ANXA4: variants seen among roughly 807,000 people sequenced by gnomAD.
ANXA4 encodes 35-beta calcimedin.
Under a neutral mutation model 49.8 loss-of-function variants are expected in ANXA4, and 39 were observed. The ratio of observed to expected loss-of-function variants is 0.78; its 90% confidence interval spans 0.61 to 1.02. The LOEUF (loss-of-function observed/expected upper bound fraction) is 1.02. Among genes scored for constraint, ANXA4 ranks in the 50% least tolerant of loss-of-function variants. The pLI is 0.00. For missense variants in ANXA4, 360 were observed against 410.1 expected (o/e 0.88, Z 1.05); for synonymous variants, 134 against 152.5 (o/e 0.88, Z 0.89).
intron 2 of ANXA4, among the ~76,000 whole-genome samples, chr2:69,659,227 A>C (rs1409649949): frequency 6.6e-6 from 1 of 152,234 alleles, no homozygotes; most frequent in Admixed American, 6.5e-5. Flanking sequence ...TAAATTAGAG[A>C]TAGCATCTAG....
chr2:69,691,130 T>C (rs560133656), intron 2 of ANXA4, among the ~76,000 whole-genome samples: 35 of 151,994 alleles, frequency 2.3e-4, no homozygotes, highest in African/African-American at 8.4e-4. Context: ...TCTTTTTTTT[T>C]TTTTCTTTTT....
At chr2:69,814,789 TGTGTGA>T (rs759502497) in intron 8 of ANXA4, 6,671 of 81,036 alleles carry the variant, frequency 0.082, 176 homozygotes, top group East Asian at 0.12. Context: ...TGTGTGTGTG[TGTGTGA>T]GAGAAAGAGA....
chr2:69,805,416 C>A (rs1673401971), intron 4 of ANXA4, among the ~76,000 whole-genome samples: 1 of 151,900 alleles, frequency 6.6e-6, no homozygotes, highest in South Asian at 2.1e-4. Context: ...CCAGCCTGAC[C>A]AACATGGTGA....
intron 2 of ANXA4, among the ~76,000 whole-genome samples, chr2:69,682,890 C>T (rs1190756726): frequency 8.5e-5 from 13 of 152,212 alleles, no homozygotes; most frequent in South Asian, 4.1e-4. Flanking sequence ...AGTCTTGAGA[C>T]GTCAGATGAT....
intron 1 of ANXA4, among the ~76,000 whole-genome samples, chr2:69,776,346 G>C (rs1482821739): frequency 6.6e-6 from 1 of 152,104 alleles, no homozygotes; most frequent in Admixed American, 6.5e-5. Context: ...AGGAATCAAA[G>C]TTTCTCATCC....
At chr2:69,740,235 T>C (rs1670349187), upstream of ANXA4, among the ~76,000 whole-genome samples, 1 of 152,128 alleles carries the variant, frequency 6.6e-6, no homozygotes, top group South Asian at 2.1e-4. Flanking sequence ...AGGGACAGGT[T>C]TTCGCCATGT....
At chr2:69,648,511 C>T (rs1676093131) in intron 1 of ANXA4, among the ~76,000 whole-genome samples, 1 of 152,130 alleles carries the variant, frequency 6.6e-6, no homozygotes, top group African/African-American at 2.4e-5. Flanking sequence ...CTTGTAAGAA[C>T]CATGTCCTTT....
intron 2 of ANXA4, among the ~76,000 whole-genome samples, chr2:69,705,901 C>A (rs1349972847): frequency 6.6e-6 from 1 of 152,182 alleles, no homozygotes; most frequent in African/African-American, 2.4e-5. Context: ...CACTGGACTC[C>A]AGCCTAGGTA....
chr2:69,807,889 T>C lies in ANXA4; in HGVS notation c.307-17T>C, dbSNP rs374696397. On this transcript the variant is annotated splice_polypyrimidine_tract_variant and intron_variant, in intron 5 of 12. Transcript: ENST00000394295. ...TAAACTGGCTCATATAGCCCTGTCCTCTGGTTTCTTGTTTAGGGAGCCGGC... is the reference window on the plus strand; with the variant it reads ...TAAACTGGCTCATATAGCCCTGTCCCCTGGTTTCTTGTTTAGGGAGCCGGC... The C allele has an allele frequency of 1.1e-4, 184 of 1,612,946 alleles. 2 individuals are homozygous for C. In the Admixed American group the frequency reaches 1.2e-3, roughly 10 times the overall value.
At chr2:69,757,841 C>A (rs1671125336) in intron 1 of ANXA4, among the ~76,000 whole-genome samples, 2 of 151,608 alleles carry the variant, frequency 1.3e-5, no homozygotes. Context: ...TGCCTATAGT[C>A]CCAGCTACTT....
intron 2 of ANXA4, among the ~76,000 whole-genome samples, chr2:69,694,042 A>T (rs143149630): frequency 3.3e-5 from 5 of 152,018 alleles, no homozygotes; most frequent in African/African-American, 9.7e-5. Context: ...CCCTATTCCA[A>T]CGTATCTGAT....
upstream of ANXA4, among the ~76,000 whole-genome samples, chr2:69,737,132 A>G (rs939283775): frequency 6.6e-6 from 1 of 152,142 alleles, no homozygotes; most frequent in Non-Finnish European, 1.5e-5. Context: ...ACATTATTCC[A>G]TTGTCTTTCA....
chr2:69,656,377 G>GTATATATATGTGTATATATA (rs1486508775), intron 2 of ANXA4, among the ~76,000 whole-genome samples: 13 of 100,136 alleles, frequency 1.3e-4, no homozygotes, highest in Non-Finnish European at 2.1e-4. Flanking sequence ...GTGTATATAT[G>GTATATATATGTGTATATATA]TGTATATATA....
chr2:69,797,468 G>A (rs1672993441), intron 3 of ANXA4, among the ~76,000 whole-genome samples: 1 of 152,148 alleles, frequency 6.6e-6, no homozygotes, highest in Admixed American at 6.5e-5. Context: ...GACCTGTGTG[G>A]CTTCTTGATA....
chr2:69,682,051 T>C (rs998504615), intron 2 of ANXA4, among the ~76,000 whole-genome samples: 25 of 152,004 alleles, frequency 1.6e-4, no homozygotes, highest in African/African-American at 5.3e-4. Flanking sequence ...GTTGCCTAAG[T>C]ATGTTGCCTA....
chr2:69,705,538 C>T (rs764001212), intron 2 of ANXA4, among the ~76,000 whole-genome samples: 8 of 152,144 alleles, frequency 5.3e-5, no homozygotes, highest in Non-Finnish European at 1.0e-4. Context: ...AATCTTTGTT[C>T]TACAATTTGG....
At chr2:69,678,594 G>A (rs1043178477) in intron 2 of ANXA4, among the ~76,000 whole-genome samples, 6 of 151,504 alleles carry the variant, frequency 4.0e-5, no homozygotes, top group Non-Finnish European at 7.4e-5. Context: ...ACTGGGTTTT[G>A]CCATGTTGCC....
chr2:69,746,839 A>C (rs934495914), intron 1 of ANXA4, among the ~76,000 whole-genome samples: 4 of 141,288 alleles, frequency 2.8e-5, no homozygotes, highest in Non-Finnish European at 6.2e-5. Flanking sequence ...AAAAAAAAAA[A>C]CTATAAAAAT....
At chr2:69,771,094 CAAAAAAAAAAAAAAGAAAAAA>C (rs1180172324) in intron 1 of ANXA4, among the ~76,000 whole-genome samples, 1 of 42,412 alleles carries the variant, frequency 2.4e-5, no homozygotes, top group Non-Finnish European at 5.2e-5. Flanking sequence ...ACCCTGTCTC[CAAAAAAAAAAAAAAGAAAAAA>C]AAAAAAAAAA....
Sources: gnomAD v4.1 joint callset for allele counts (sites outside exome capture counted in the v4.1 genomes callset) on GRCh38, gnomAD v4.1.1 for gene constraint, MANE v1.5 for transcripts, NCBI Gene and HGNC (gene_info 2026-07-23, HGNC 2026-07-21) for gene names.